Variants in ASCC3 observed in about 807,000 individuals in gnomAD.
ASCC3 encodes the protein ASC-1 complex subunit P200.
ASCC3 carries 158 observed loss-of-function variants against 256.3 expected under a neutral mutation model. That is an observed-to-expected ratio of 0.62 (90% CI 0.54 to 0.70). ASCC3 has a LOEUF of 0.70. ASCC3 is among the 30% of genes least tolerant of loss of function. ASCC3 has a pLI of 0.00. For synonymous variants in ASCC3, 948 were observed against 883.4 expected (o/e 1.07, Z -1.30); for missense variants, 2,259 against 2,626.0 (o/e 0.86, Z 3.05).
chr6:100,839,453 CAT>C (rs1256681832), intron 4 of ASCC3, among the ~76,000 whole-genome samples: 1 of 152,100 alleles, frequency 6.6e-6, no homozygotes, highest in Non-Finnish European at 1.5e-5. Flanking sequence ...AAATTGGAAA[CAT>C]ATATTTAAGC....
chr6:100,535,564 G>A (rs1029629753), intron 37 of ASCC3, among the ~76,000 whole-genome samples: 5 of 136,248 alleles, frequency 3.7e-5, no homozygotes, highest in Admixed American at 8.4e-5. Flanking sequence ...CCGCCTCCCC[G>A]GTTCAAGCAG....
In ASCC3 at chr6:100,627,868, G is replaced by A; in HGVS notation, c.4495C>T (p.Leu1499Phe). Residue 1499 changes from leucine to phenylalanine, a missense_variant, in exon 28 of 42, where the codon CTT becomes TTT. Leu to Phe is a conservative substitution (Grantham distance 22). Around this residue, in one of 2 missense-constraint regions of ASCC3, gnomAD observed 1,839 missense variants for 2,206.7 expected, o/e 0.83. Transcript: ENST00000369162. ...LSTALANARD[L>F]ADWLNIKQMG... ...TGCTTAATATTGAGCCAATCAGCAA[G>A]GTCTCTGGCATTAGCTAATGCAGTA... The A allele has an allele frequency of 6.2e-7, 1 of 1,613,580 alleles. No individual in the cohort carries two copies. Among genetic ancestry groups the A allele is most frequent in the Middle Eastern group, 1.7e-4 (1 of 6,060 alleles).
At position 100,823,689 on chromosome 6, in the gene ASCC3, C is replaced by A. The variant is rs187947368; in HGVS notation, c.802-17809G>T. The stretch of plus-strand genomic sequence containing the variant: ...CATAAAATTCATGAATAGAAACAGT[C>A]AAAAAATCAACCAAAAGACTCAGTT... On this transcript the variant is annotated intron_variant, in intron 4 of 41. Transcript: ENST00000369162. 4.2e-4 allele frequency among the ~76,000 whole-genome samples: 64 copies of A among 152,096 alleles called. 1 individual carries two copies. The highest frequency in any genetic ancestry group is 6.9e-4 in the Non-Finnish European group (47 of 67,972).
intron 28 of ASCC3, 38 bp from the exon 29 acceptor site, chr6:100,627,748 T>C: frequency 6.2e-7 from 1 of 1,608,128 alleles, no homozygotes; most frequent in Non-Finnish European, 8.5e-7. Context: ...TTTCAATTTT[T>C]ATATTGAATT....
intron 13 of ASCC3, among the ~76,000 whole-genome samples, chr6:100,698,525 TTAAAA>T (rs1440859327): frequency 6.6e-6 from 1 of 151,920 alleles, no homozygotes; most frequent in Non-Finnish European, 1.5e-5. Flanking sequence ...ATATACTAAC[TTAAAA>T]TAACTGGTGA....
At chr6:100,748,987 G>A (rs375555675) in intron 10 of ASCC3, among the ~76,000 whole-genome samples, 268 of 151,960 alleles carry the variant, frequency 1.8e-3, no homozygotes, top group Non-Finnish European at 3.0e-3. Flanking sequence ...AGCCTATGCC[G>A]ATGGCTAAAA....
chr6:100,669,490 T>C (rs1776637598), intron 14 of ASCC3, among the ~76,000 whole-genome samples: 1 of 151,472 alleles, frequency 6.6e-6, no homozygotes, highest in South Asian at 2.1e-4. Flanking sequence ...ACAGGAAAAC[T>C]TGATTTGGCA....
intron 4 of ASCC3, among the ~76,000 whole-genome samples, chr6:100,815,625 A>G (rs529353323): frequency 6.6e-6 from 1 of 152,190 alleles, no homozygotes; most frequent in African/African-American, 2.4e-5. Flanking sequence ...ACCCACAAAC[A>G]TCTCATCTTT....
chr6:100,543,931 T>C (rs1351245554), intron 36 of ASCC3, among the ~76,000 whole-genome samples: 1 of 152,098 alleles, frequency 6.6e-6, no homozygotes, highest in Non-Finnish European at 1.5e-5. Flanking sequence ...AGAGACTATT[T>C]ACTGAGATCA....
At position 100,602,827 on chromosome 6, in the gene ASCC3, A is replaced by G. The variant is rs375622103; in HGVS notation, c.5178-892T>C. 4.6e-5 allele frequency among the ~76,000 whole-genome samples: 7 copies of G among 152,238 alleles called. No homozygotes were observed. The South Asian group carries it at 1.4e-3, about 32-fold the overall frequency. On this transcript the variant is annotated intron_variant, in intron 33 of 41. Transcript: ENST00000369162. ...ATAAAAAAGGAAGCAATGTTCAACA[A>G]AAGAAAAAGCTAAGTAAAACTATAA...
At chr6:100,725,828 C>T (rs1779594658) in intron 10 of ASCC3, 125 bp from the exon 11 acceptor site, 1 of 901,164 alleles carries the variant, frequency 1.1e-6, no homozygotes. Flanking sequence ...TTTAGAATAG[C>T]CTAGAATTAC....
At chr6:100,565,853 A>AT (rs145376911) in intron 36 of ASCC3, among the ~76,000 whole-genome samples, 1 of 152,238 alleles carries the variant, frequency 6.6e-6, no homozygotes, top group Non-Finnish European at 1.5e-5. Context: ...ATTGACATTT[A>AT]TTTTTTTAAA....
intron 3 of ASCC3, among the ~76,000 whole-genome samples, chr6:100,862,443 GA>G (rs889440547): frequency 1.2e-4 from 18 of 151,000 alleles, no homozygotes; most frequent in African/African-American, 4.4e-4. Flanking sequence ...AACATATTTG[GA>G]AAAAAAAATT....
At chr6:100,616,334 A>C (rs1773661449) in intron 30 of ASCC3, among the ~76,000 whole-genome samples, 1 of 152,250 alleles carries the variant, frequency 6.6e-6, no homozygotes, top group Non-Finnish European at 1.5e-5. Flanking sequence ...TTTAGTATTA[A>C]GCATGTGAAA....
At chr6:100,627,786 G>GA in intron 28 of ASCC3, 56 bp downstream of exon 28, 1 of 1,610,576 alleles carries the variant, frequency 6.2e-7, no homozygotes, top group Admixed American at 1.7e-5. Context: ...CTCTTAAAAG[G>GA]AATCATCAAA....
intron 14 of ASCC3, among the ~76,000 whole-genome samples, chr6:100,678,556 T>A (rs1777140258): frequency 6.6e-6 from 1 of 152,058 alleles, no homozygotes; most frequent in South Asian, 2.1e-4. Flanking sequence ...CAATTAAATA[T>A]ATTTTACTAG....
intron 4 of ASCC3, among the ~76,000 whole-genome samples, chr6:100,827,322 A>C (rs1771366737): frequency 6.6e-6 from 1 of 152,172 alleles, no homozygotes; most frequent in African/African-American, 2.4e-5. Flanking sequence ...CCTGTGTTCT[A>C]CCTATTCCAC....
chr6:100,806,262 T>C (rs1469325432), intron 4 of ASCC3, among the ~76,000 whole-genome samples: 1 of 151,978 alleles, frequency 6.6e-6, no homozygotes, highest in Non-Finnish European at 1.5e-5. Flanking sequence ...ACAACTACTA[T>C]ACAACAGTGT....
intron 14 of ASCC3, among the ~76,000 whole-genome samples, chr6:100,673,947 G>A (rs575703399): frequency 6.6e-6 from 1 of 152,100 alleles, no homozygotes; most frequent in East Asian, 1.9e-4. Context: ...TCTTTGGAAC[G>A]TCCTTTCCCT....
Sources: allele counts gnomAD v4.1 joint callset (sites outside exome capture counted in the v4.1 genomes callset), GRCh38; gene constraint gnomAD v4.1.1; regional missense constraint gnomAD v4.1.1; transcripts MANE v1.5; gene names NCBI Gene and HGNC (gene_info 2026-07-23, HGNC 2026-07-21).